The following CRYBG1 variants were observed in gnomAD, a reference collection of about 807,000 sequenced individuals.
The protein encoded by CRYBG1 is beta/gamma crystallin domain-containing protein 1.
In CRYBG1, 139 loss-of-function variants were observed where a neutral mutation model predicts 189.2. The observed-to-expected ratio is 0.73, with a 90% CI of 0.64 to 0.85. The LOEUF (loss-of-function observed/expected upper bound fraction) is 0.85. CRYBG1 is among the 40% of genes least tolerant of loss of function. The pLI, the probability that CRYBG1 is intolerant of heterozygous loss-of-function variation, is 0.00. For missense variants in CRYBG1, 2,611 were observed against 2,675.8 expected, an observed-to-expected ratio of 0.98 and a Z score of 0.53; for synonymous variants, 1,023 against 1,017.1, an observed-to-expected ratio of 1.01 and a Z score of -0.11.
chr6:106,541,638 A>C lies in CRYBG1; in HGVS notation c.4881+17A>C. 1 of 1,558,586 alleles carries C rather than the reference A, an allele frequency of 6.4e-7. No individual in the cohort carries two copies. The highest frequency in any genetic ancestry group is 1.1e-5 in the South Asian group (1 of 88,964). On this transcript the variant is annotated intron_variant, in intron 10 of 21. Transcript: ENST00000633556. The stretch of plus-strand genomic sequence containing the variant: ...GATCCAAAGGTAAAAATATATATGT[A>C]TTTTTGTATGTATGTATATGTAATT...
intron 1 of CRYBG1, among the ~76,000 whole-genome samples, chr6:106,443,761 A>G (rs573232224): frequency 6.6e-6 from 1 of 152,308 alleles, no homozygotes; most frequent in South Asian, 2.1e-4. Flanking sequence ...ATATATTTAT[A>G]GAATACATGA....
Position 106,521,331 on chromosome 6 carries a change from A to G in CRYBG1, c.4123A>G (p.Ser1375Gly), listed in dbSNP as rs1363653388. ...TATGGAAAAGGCTAATCATATTGAA[A>G]GTGTTATTAAATCAAACTTGCCAAA... Reference protein sequence around the residue: ...DDMEKANHIESVIKSNLPNCA... With the variant: ...DDMEKANHIEGVIKSNLPNCA... Residue 1375 changes from serine (S) to glycine (G), a missense_variant, in exon 4 of 22, where the codon AGT becomes GGT. This residue lies in a region of CRYBG1 where 1,622 missense variants were observed against 1,735.0 expected (regional missense o/e 0.93). Transcript: ENST00000633556. 3 of 1,614,060 alleles carry G rather than the reference A, an allele frequency of 1.9e-6. No homozygotes were observed. The highest frequency in any genetic ancestry group is 2.7e-5 in the African/African-American group (2 of 74,936).
At position 106,451,778 on chromosome 6, in the gene CRYBG1, C is replaced by A. The variant is rs1771785920; in HGVS notation, c.258C>A (p.His86Gln). 6.5e-7 allele frequency: 1 copy of A among 1,534,926 alleles called. No individual in the cohort carries two copies. The highest frequency in any genetic ancestry group is 8.7e-7 in the Non-Finnish European group (1 of 1,146,500). ...ACTGTGGGGAATCCCAGTTCTTCCA[C>A]ACCACCAGTGAGGCGCTTGGTTCCT... ...PLHCGESQFF[H>Q]TTSEALGSLL... Residue 86 changes from histidine to glutamine, a missense_variant, in exon 2 of 22, where the codon CAC (histidine) becomes CAA (glutamine). By Grantham distance (24) the His-to-Gln change is conservative (BLOSUM62 0). Transcript: ENST00000633556.
intron 1 of CRYBG1, among the ~76,000 whole-genome samples, chr6:106,376,819 T>C (rs899109329): frequency 6.6e-6 from 1 of 152,202 alleles, no homozygotes; most frequent in African/African-American, 2.4e-5. Context: ...ATCCAAGTGG[T>C]ACGCTCTTTA....
intron 2 of CRYBG1, among the ~76,000 whole-genome samples, chr6:106,494,164 C>T (rs951534787): frequency 6.6e-6 from 1 of 151,754 alleles, no homozygotes; most frequent in Non-Finnish European, 1.5e-5. Flanking sequence ...AGACGAGATA[C>T]CTAAAGTAGT....
At chr6:106,452,348 A>G (rs1423032862) in intron 2 of CRYBG1, among the ~76,000 whole-genome samples, 1 of 150,198 alleles carries the variant, frequency 6.7e-6, no homozygotes, top group Non-Finnish European at 1.5e-5. Flanking sequence ...GCTTAAACCC[A>G]GGAGGTGGAG....
chr6:106,566,283 C>G (rs946177692), intron 21 of CRYBG1, among the ~76,000 whole-genome samples: 1 of 151,968 alleles, frequency 6.6e-6, no homozygotes. Context: ...GGAAGGACAC[C>G]TCACTCCTTG....
intron 1 of CRYBG1, among the ~76,000 whole-genome samples, chr6:106,430,048 T>C (rs1771296723): frequency 6.6e-6 from 1 of 152,342 alleles, no homozygotes; most frequent in African/African-American, 2.4e-5. Flanking sequence ...TATTTAGATT[T>C]CAGGTTTCTC....
intron 1 of CRYBG1, among the ~76,000 whole-genome samples, chr6:106,405,548 G>A (rs1241948619): frequency 6.6e-6 from 1 of 152,228 alleles, no homozygotes; most frequent in Non-Finnish European, 1.5e-5. Context: ...GGGACAGACT[G>A]TCTCCTCAAG....
At position 106,519,568 on chromosome 6, in the gene CRYBG1, C is replaced by G; in HGVS notation, c.2360C>G (p.Ala787Gly). ...LGPQPNQDDK[A>G]DVQTDAGCLS... is the part of the protein sequence containing the mutation. Reference sequence around the variant, plus strand: ...CCTCAGCCTAACCAAGATGATAAAGCAGATGTACAAACAGATGCTGGCTGC... The same window carrying G: ...CCTCAGCCTAACCAAGATGATAAAGGAGATGTACAAACAGATGCTGGCTGC... The change falls in exon 4 of 22, where the codon GCA becomes GGA. Residue 787 changes from alanine (A) to glycine (G), a missense_variant. Ala to Gly is a moderately conservative substitution (Grantham distance 60). Transcript: ENST00000633556. 1 of 1,614,226 alleles carries G rather than the reference C, an allele frequency of 6.2e-7. No individual in the cohort carries two copies. Among genetic ancestry groups the G allele is most frequent in the Non-Finnish European group, 8.5e-7 (1 of 1,180,030 alleles).
chr6:106,561,177 T>G (rs1283205263), intron 19 of CRYBG1, among the ~76,000 whole-genome samples, 165 bp from the exon 20 acceptor site: 1 of 152,186 alleles, frequency 6.6e-6, no homozygotes, highest in Admixed American at 6.5e-5. Context: ...CTTTGACATT[T>G]TGTCAAACTC....
rs1196390482 is a variant in CRYBG1, at chr6:106,560,870, A to G, written c.5923A>G (p.Asn1975Asp). Residue 1975 changes from asparagine to aspartate, a missense_variant, in exon 19 of 22, where the codon AAT becomes GAT. Physicochemically the swap from Asn to Asp is conservative, Grantham distance 23. Around this residue, in one of 3 missense-constraint regions of CRYBG1, gnomAD observed 1,622 missense variants for 1,735.0 expected, o/e 0.93. Transcript: ENST00000633556. ...CCTATTGTCACCTGCAGAAGTACCT[A>G]ATTGGTATGAATTCAGTGGCTGTCG... ...QFLLSPAEVPNWYEFSGCRQI... is the reference protein window; with the variant it reads ...QFLLSPAEVPDWYEFSGCRQI... The G allele has an allele frequency of 1.2e-6, 2 of 1,612,764 alleles. No homozygotes were observed. Among genetic ancestry groups the G allele is most frequent in the East Asian group, 4.5e-5 (2 of 44,792 alleles).
At chr6:106,523,792 T>C (rs1425764056) in intron 4 of CRYBG1, among the ~76,000 whole-genome samples, 1 of 151,534 alleles carries the variant, frequency 6.6e-6, no homozygotes, top group African/African-American at 2.4e-5. Flanking sequence ...TGCAGTGGCA[T>C]GATCTCAGCT....
chr6:106,541,161 G>T, intron 9 of CRYBG1: 1 of 453,148 alleles, frequency 2.2e-6, no homozygotes, highest in Admixed American at 2.6e-5. Flanking sequence ...GAATGGTAGA[G>T]ACGGCAACCC....
chr6:106,384,448 T>C (rs1368225999), intron 1 of CRYBG1, among the ~76,000 whole-genome samples: 1 of 152,166 alleles, frequency 6.6e-6, no homozygotes, highest in Middle Eastern at 3.2e-3. Flanking sequence ...CTCACCATAA[T>C]GTAGAATCAG....
rs756080492 is a variant in CRYBG1, at chr6:106,519,500, C to T, written c.2292C>T (p.Thr764=). The stretch of plus-strand genomic sequence containing the variant: ...CGGAAGAAGAGATTCTGCCAGCAAC[C>T]AGAGGAATGAATGGAGACTCTTCTG... The part of the protein sequence containing the change: ...TVSEEEILPA[T]RGMNGDSSEN... The change falls in exon 4 of 22, where the codon ACC becomes ACT. Residue 764 remains threonine, a synonymous_variant. Transcript: ENST00000633556. The T allele has an allele frequency of 1.8e-5, 29 of 1,614,000 alleles. No homozygotes were observed. The South Asian group carries it at 3.1e-4, about 17-fold the overall frequency.
At chr6:106,510,980 C>G (rs1773245716) in intron 2 of CRYBG1, among the ~76,000 whole-genome samples, 1 of 152,188 alleles carries the variant, frequency 6.6e-6, no homozygotes, top group Non-Finnish European at 1.5e-5. Context: ...TCCTCCTTCC[C>G]TCCTACAAAA....
intron 2 of CRYBG1, among the ~76,000 whole-genome samples, chr6:106,499,150 TTG>T (rs557063601): frequency 2.1e-5 from 1 of 48,030 alleles, no homozygotes. Flanking sequence ...GTTTGTTTGT[TTG>T]TTTGTTTTTT....
intron 1 of CRYBG1, among the ~76,000 whole-genome samples, chr6:106,373,892 C>A (rs1311279049): frequency 6.6e-6 from 1 of 152,080 alleles, no homozygotes; most frequent in Non-Finnish European, 1.5e-5. Context: ...AACAATTACC[C>A]AGTGATAATG....
Sources: allele counts gnomAD v4.1 joint callset (sites outside exome capture counted in the v4.1 genomes callset), GRCh38; gene constraint gnomAD v4.1.1; regional missense constraint gnomAD v4.1.1; transcripts MANE v1.5; gene names NCBI Gene and HGNC (gene_info 2026-07-23, HGNC 2026-07-21).